GSTCD: variants seen among roughly 807,000 people sequenced by gnomAD.
The protein encoded by GSTCD is glutathione S-transferase C-terminal domain containing, also known as glutathione S-transferase C-terminal domain-containing protein.
GSTCD carries 44 observed loss-of-function variants against 68.3 expected under a neutral mutation model. The ratio of observed to expected loss-of-function variants is 0.64; its 90% CI spans 0.51 to 0.83. GSTCD has a LOEUF of 0.83. Among genes scored for constraint, GSTCD ranks in the 40% least tolerant of loss-of-function variants. GSTCD has a pLI of 0.00. For missense variants in GSTCD, 739 were observed against 735.9 expected (o/e 1.00, Z -0.05); for synonymous variants, 273 against 255.2 (o/e 1.07, Z -0.67).
chr4:105,744,922 A>G (rs1402907530), intron 5 of GSTCD, among the ~76,000 whole-genome samples: 1 of 152,228 alleles, frequency 6.6e-6, no homozygotes, highest in African/African-American at 2.4e-5. Context: ...TCATGTACAC[A>G]TACAAACACA....
intron 6 of GSTCD, 43 bp from the exon 7 acceptor site, chr4:105,823,188 G>T (rs1294865502): frequency 1.9e-6 from 3 of 1,604,522 alleles, no homozygotes; most frequent in East Asian, 2.2e-5. Flanking sequence ...AGGAAAAGCT[G>T]TGGGGACCAA....
chr4:105,832,409 A>G (rs994022171), intron 8 of GSTCD, among the ~76,000 whole-genome samples: 3 of 152,234 alleles, frequency 2.0e-5, no homozygotes, highest in African/African-American at 7.2e-5. Context: ...AAACTATTGT[A>G]TAGTTATTCA....
intron 5 of GSTCD, among the ~76,000 whole-genome samples, chr4:105,779,603 A>G (rs1243500276): frequency 6.6e-6 from 1 of 152,208 alleles, no homozygotes; most frequent in Non-Finnish European, 1.5e-5. Context: ...TTATTGTTAA[A>G]TGAAGATAAA....
chr4:105,831,500 C>A (rs1036724790), intron 8 of GSTCD, among the ~76,000 whole-genome samples: 1 of 152,106 alleles, frequency 6.6e-6, no homozygotes, highest in African/African-American at 2.4e-5. Flanking sequence ...GAGATTAAAT[C>A]TTGGCTCTTT....
At chr4:105,845,319 A>C in intron 11 of GSTCD, 122 bp from the exon 12 acceptor site, 8 of 935,524 alleles carry the variant, frequency 8.6e-6, no homozygotes, top group Non-Finnish European at 1.3e-5. Flanking sequence ...AACAAGACTT[A>C]GGGGTACAAA....
intron 5 of GSTCD, among the ~76,000 whole-genome samples, chr4:105,732,730 T>C (rs1733296400): frequency 6.6e-6 from 1 of 152,216 alleles, no homozygotes; most frequent in Non-Finnish European, 1.5e-5. Context: ...TGCCTTCTGC[T>C]AGCTTTTGAA....
intron 5 of GSTCD, among the ~76,000 whole-genome samples, chr4:105,733,295 A>T (rs997123828): frequency 1.3e-5 from 2 of 151,884 alleles, no homozygotes; most frequent in African/African-American, 4.8e-5. Flanking sequence ...GGGTGTTAAA[A>T]TCTCCCATTA....
chr4:105,828,435 C>CTT (rs1723752094), intron 8 of GSTCD, among the ~76,000 whole-genome samples: 1 of 152,002 alleles, frequency 6.6e-6, no homozygotes, highest in African/African-American at 2.4e-5. Context: ...TGCAGGCACG[C>CTT]TTTTTAAAAA....
chr4:105,730,081 T>C (rs1206693679), intron 5 of GSTCD, among the ~76,000 whole-genome samples: 2 of 152,226 alleles, frequency 1.3e-5, no homozygotes, highest in Non-Finnish European at 2.9e-5. Flanking sequence ...CTCATCCTTT[T>C]TTATGGCTGC....
chr4:105,833,184 G>A (rs1013997261), intron 8 of GSTCD, among the ~76,000 whole-genome samples: 12 of 152,084 alleles, frequency 7.9e-5, no homozygotes, highest in Non-Finnish European at 1.0e-4. Context: ...TTTTACTTTC[G>A]CTGGGCGCGG....
chr4:105,815,603 T>G (rs747204911), intron 5 of GSTCD, among the ~76,000 whole-genome samples: 12 of 152,132 alleles, frequency 7.9e-5, no homozygotes, highest in Non-Finnish European at 1.0e-4. Context: ...AAAAATCACT[T>G]GACTCTGGGA....
At chr4:105,730,205 A>G (rs1733184155) in intron 5 of GSTCD, among the ~76,000 whole-genome samples, 1 of 152,166 alleles carries the variant, frequency 6.6e-6, no homozygotes, top group Admixed American at 6.5e-5. Context: ...ATGAACATAC[A>G]TGTGCTTGTG....
At chr4:105,715,780 G>T (rs1046572058) in intron 1 of GSTCD, among the ~76,000 whole-genome samples, 1 of 151,802 alleles carries the variant, frequency 6.6e-6, no homozygotes, top group African/African-American at 2.4e-5. Context: ...GACAAGAGGT[G>T]CATGTGTACT....
At chr4:105,734,040 T>A (rs1292646764) in intron 5 of GSTCD, among the ~76,000 whole-genome samples, 1 of 152,242 alleles carries the variant, frequency 6.6e-6, no homozygotes, top group African/African-American at 2.4e-5. Flanking sequence ...CTTGTAGGAT[T>A]TCTGCTGAGA....
At chr4:105,723,041 A>G (rs1009853310) in intron 3 of GSTCD, among the ~76,000 whole-genome samples, 1 of 151,960 alleles carries the variant, frequency 6.6e-6, no homozygotes, top group South Asian at 2.1e-4. Flanking sequence ...TCTTGTAAAC[A>G]TGAATTATTG....
At chr4:105,812,064 A>G (rs1722774651) in intron 5 of GSTCD, among the ~76,000 whole-genome samples, 2 of 152,226 alleles carry the variant, frequency 1.3e-5, no homozygotes, top group Admixed American at 1.3e-4. Context: ...GAACTGAACT[A>G]TGTATAGTTT....
At chr4:105,843,154 T>G (rs1027649273) in intron 11 of GSTCD, among the ~76,000 whole-genome samples, 1 of 152,208 alleles carries the variant, frequency 6.6e-6, no homozygotes, top group Non-Finnish European at 1.5e-5. Context: ...TGAGAAATCC[T>G]TATCTTTAAA....
intron 5 of GSTCD, among the ~76,000 whole-genome samples, chr4:105,788,661 T>A (rs1054658853): frequency 4.6e-5 from 7 of 152,078 alleles, no homozygotes; most frequent in African/African-American, 9.7e-5. Flanking sequence ...TTTATCACAG[T>A]CTAAAGAGCT....
At chr4:105,713,757 T>G (rs943647552) in intron 1 of GSTCD, among the ~76,000 whole-genome samples, 1 of 151,880 alleles carries the variant, frequency 6.6e-6, no homozygotes, top group African/African-American at 2.4e-5. Context: ...AGATAACTTA[T>G]TTGAAAAAAC....
Sources: allele counts gnomAD v4.1 joint callset (sites outside exome capture counted in the v4.1 genomes callset), GRCh38; gene constraint gnomAD v4.1.1; transcripts MANE v1.5; gene names NCBI Gene and HGNC (gene_info 2026-07-23, HGNC 2026-07-21).